OR2L13: variants seen among roughly 807,000 people sequenced by gnomAD.
OR2L13 encodes olfactory receptor 2L13.
In OR2L13, 14 loss-of-function variants were observed where a neutral mutation model predicts 15.3. The observed-to-expected ratio is 0.91, with a 90% CI of 0.60 to 1.43. The LOEUF (loss-of-function observed/expected upper bound fraction) is 1.43, where lower values mean the gene tolerates loss of function less well. Ranked by LOEUF, OR2L13 falls within the 40% of genes most tolerant of loss-of-function variation. The pLI, the probability that OR2L13 is intolerant of heterozygous loss-of-function variation, is 0.00. For synonymous variants in OR2L13, 152 were observed against 142.9 expected, an observed-to-expected ratio of 1.06 and a Z score of -0.45; for missense variants, 367 against 387.9, an observed-to-expected ratio of 0.95 and a Z score of 0.45.
chr1:248,042,551 A>G, the OR2L13 span, among the ~76,000 whole-genome samples: 3 of 152,066 alleles, frequency 2.0e-5, no homozygotes, highest in Admixed American at 2.0e-4. Context: ...AAAAACAAAA[A>G]ACAAAAACAA....
chr1:247,962,401 A>T, the OR2L13 span, among the ~76,000 whole-genome samples: 1 of 150,316 alleles, frequency 6.7e-6, no homozygotes, highest in Non-Finnish European at 1.5e-5. Flanking sequence ...GGAGAAGGAG[A>T]AGGGCTGAAT....
the OR2L13 span, among the ~76,000 whole-genome samples, chr1:247,974,109 C>T: frequency 5.9e-5 from 9 of 152,140 alleles, no homozygotes; most frequent in Middle Eastern, 3.2e-3. Flanking sequence ...TGAAAAAGAA[C>T]GAGTTCATAT....
chr1:248,056,735 C>A, the OR2L13 span, among the ~76,000 whole-genome samples: 1 of 143,512 alleles, frequency 7.0e-6, no homozygotes, highest in East Asian at 2.1e-4. Context: ...TCAACTTTTG[C>A]CTCCTGGGTT....
chr1:248,015,716 C>A, the OR2L13 span, among the ~76,000 whole-genome samples: 1 of 152,106 alleles, frequency 6.6e-6, no homozygotes, highest in African/African-American at 2.4e-5. Flanking sequence ...AAAGTTCAAT[C>A]TGATTTCTTA....
the OR2L13 span, chr1:248,039,255 T>C: frequency 1.4e-5 from 22 of 1,529,902 alleles, no homozygotes; most frequent in East Asian, 9.0e-5. Context: ...ATCAACTTAG[T>C]AGTGTACAGC....
At chr1:248,020,289 G>A in the OR2L13 span, among the ~76,000 whole-genome samples, 11 of 152,226 alleles carry the variant, frequency 7.2e-5, no homozygotes, top group Admixed American at 3.3e-4. Flanking sequence ...TAAAACTGTC[G>A]CTGTTTGCTG....
At chr1:247,989,697 A>C in the OR2L13 span, among the ~76,000 whole-genome samples, 1 of 152,288 alleles carries the variant, frequency 6.6e-6, no homozygotes, top group South Asian at 2.1e-4. Context: ...TAAACTAAGG[A>C]CTTTTTAAAA....
chr1:248,039,656 T>C, the OR2L13 span: 4 of 153,766 alleles, frequency 2.6e-5, no homozygotes, highest in East Asian at 7.7e-4. Flanking sequence ...TTCATTAACA[T>C]GTAGAAATCA....
At chr1:248,068,061 G>C in the OR2L13 span, among the ~76,000 whole-genome samples, 1 of 151,478 alleles carries the variant, frequency 6.6e-6, no homozygotes, top group Admixed American at 6.5e-5. Flanking sequence ...TCCACCTCTG[G>C]GGGCAGGGCA....
chr1:247,982,806 AT>A, the OR2L13 span, among the ~76,000 whole-genome samples: 3 of 152,184 alleles, frequency 2.0e-5, no homozygotes, highest in African/African-American at 7.2e-5. Flanking sequence ...AATCATTAAA[AT>A]AACCTTATTT....
chr1:247,999,115 C>G, the OR2L13 span, among the ~76,000 whole-genome samples: 1 of 152,114 alleles, frequency 6.6e-6, no homozygotes, highest in African/African-American at 2.4e-5. Flanking sequence ...CCTGGTAACC[C>G]ATGGATTCTT....
At chr1:248,046,289 A>G in the OR2L13 span, among the ~76,000 whole-genome samples, 2 of 152,214 alleles carry the variant, frequency 1.3e-5, no homozygotes, top group Non-Finnish European at 2.9e-5. Flanking sequence ...ACTCCCATGT[A>G]TGCGATATTT....
the OR2L13 span, among the ~76,000 whole-genome samples, chr1:247,979,156 G>A: frequency 1.3e-5 from 2 of 152,104 alleles, no homozygotes; most frequent in African/African-American, 2.4e-5. Flanking sequence ...TGCACTAAAT[G>A]TGGCATCTTC....
chr1:247,961,033 C>T, the OR2L13 span, among the ~76,000 whole-genome samples: 121,464 of 152,118 alleles, frequency 0.8, 52,674 homozygotes, highest in South Asian at 0.95. Flanking sequence ...GCGTCGCTCA[C>T]GCTGGGAGCT....
At chr1:247,946,293 T>C in the OR2L13 span, among the ~76,000 whole-genome samples, 1 of 152,196 alleles carries the variant, frequency 6.6e-6, no homozygotes, top group Non-Finnish European at 1.5e-5. Context: ...ATTTTACTTT[T>C]CTTTTGAATT....
exon 3 of OR2L13, chr1:248,099,646 A>C: frequency 6.2e-7 from 1 of 1,614,058 alleles, no homozygotes; most frequent in East Asian, 2.2e-5. Flanking sequence ...CCAGAAAGGC[A>C]TCTCCTTCCT....
upstream of OR2L13, among the ~76,000 whole-genome samples, chr1:248,094,583 C>T (rs74153066): frequency 0.042 from 6,327 of 152,270 alleles, 445 homozygotes; most frequent in African/African-American, 0.15. Flanking sequence ...AGAGTATTCT[C>T]TCTGACTCTA....
chr1:248,043,265 G>T, the OR2L13 span, among the ~76,000 whole-genome samples: 1 of 152,190 alleles, frequency 6.6e-6, no homozygotes, highest in Non-Finnish European at 1.5e-5. Flanking sequence ...GTAAGTATTT[G>T]AGTTCTATCA....
At chr1:248,038,981 A>C in the OR2L13 span, 1 of 1,613,956 alleles carries the variant, frequency 6.2e-7, no homozygotes, top group East Asian at 2.2e-5. Flanking sequence ...AGGCCTATTC[A>C]ACCTGTAGCA....
Sources: allele counts gnomAD v4.1 joint callset (sites outside exome capture counted in the v4.1 genomes callset), GRCh38; gene constraint gnomAD v4.1.1; transcripts MANE v1.5; gene names NCBI Gene and HGNC (gene_info 2026-07-23, HGNC 2026-07-21).